RALYL: variants seen among roughly 807,000 people sequenced by gnomAD.
RALYL encodes RALY RNA binding protein like.
Under a neutral mutation model 35.1 loss-of-function variants are expected in RALYL, and 29 were observed. That is an observed-to-expected ratio of 0.83 (90% CI 0.61 to 1.13). RALYL has a LOEUF of 1.13. RALYL is among the 50% of genes most tolerant of loss of function. The pLI, the probability that RALYL is intolerant of heterozygous loss-of-function variation, is 0.00. For missense variants in RALYL, 359 were observed against 360.4 expected, an observed-to-expected ratio of 1.00 and a Z score of 0.03; for synonymous variants, 120 against 127.6, an observed-to-expected ratio of 0.94 and a Z score of 0.40.
intron 1 of RALYL, among the ~76,000 whole-genome samples, chr8:84,350,551 A>G (rs939493616): frequency 2.0e-5 from 3 of 150,268 alleles, no homozygotes; most frequent in Non-Finnish European, 4.4e-5. Flanking sequence ...AAAATAAGCA[A>G]CTAAGTAAAT....
At chr8:84,347,797 T>C (rs185860505) in intron 1 of RALYL, among the ~76,000 whole-genome samples, 6 of 152,280 alleles carry the variant, frequency 3.9e-5, no homozygotes, top group Admixed American at 2.6e-4. Flanking sequence ...CATCAGCAGC[T>C]TTGCCTCTTA....
At chr8:84,527,293 A>G (rs375850977) in intron 1 of RALYL, among the ~76,000 whole-genome samples, 2 of 152,324 alleles carry the variant, frequency 1.3e-5, no homozygotes, top group South Asian at 4.1e-4. Flanking sequence ...CCAAGATAGC[A>G]TGTTGACATT....
intron 2 of RALYL, among the ~76,000 whole-genome samples, chr8:84,532,024 A>C (rs1015753540): frequency 9.2e-5 from 14 of 152,018 alleles, no homozygotes; most frequent in Non-Finnish European, 1.9e-4. Context: ...TCCTCAGGTA[A>C]ATCTTTAGAG....
At chr8:84,668,602 A>G (rs957095457) in intron 2 of RALYL, among the ~76,000 whole-genome samples, 1 of 152,140 alleles carries the variant, frequency 6.6e-6, no homozygotes, top group Non-Finnish European at 1.5e-5. Flanking sequence ...GTTATTATCT[A>G]AACTTGAATA....
intron 1 of RALYL, among the ~76,000 whole-genome samples, chr8:84,312,545 CA>C (rs1342880173): frequency 6.6e-6 from 1 of 152,058 alleles, no homozygotes; most frequent in Non-Finnish European, 1.5e-5. Flanking sequence ...CATTGGGTAC[CA>C]AATAGGAGAA....
At chr8:84,758,249 C>T (rs948765121) in intron 2 of RALYL, among the ~76,000 whole-genome samples, 1 of 152,174 alleles carries the variant, frequency 6.6e-6, no homozygotes, top group African/African-American at 2.4e-5. Context: ...TGCACATTCA[C>T]ATCAGAGTTT....
At chr8:84,754,229 T>C (rs1345209925) in intron 2 of RALYL, among the ~76,000 whole-genome samples, 2 of 151,794 alleles carry the variant, frequency 1.3e-5, no homozygotes, top group African/African-American at 4.9e-5. Context: ...TGTGCACATG[T>C]ACCCTAAAAC....
chr8:84,554,491 CA>C (rs1378930609), intron 2 of RALYL, among the ~76,000 whole-genome samples: 4 of 152,104 alleles, frequency 2.6e-5, no homozygotes, highest in African/African-American at 9.6e-5. Flanking sequence ...TCCAAAGAAC[CA>C]AAAATATTAA....
intron 2 of RALYL, among the ~76,000 whole-genome samples, chr8:84,565,463 TTAAA>T (rs2061719245): frequency 6.6e-6 from 1 of 151,610 alleles, no homozygotes; most frequent in African/African-American, 2.4e-5. Context: ...ATTCCTATAA[TTAAA>T]TAAGATTATG....
intron 1 of RALYL, among the ~76,000 whole-genome samples, chr8:84,252,006 C>T (rs1271050957): frequency 6.6e-6 from 1 of 151,986 alleles, no homozygotes; most frequent in East Asian, 1.9e-4. Flanking sequence ...ATTATATCAA[C>T]TTAATGTATA....
intron 2 of RALYL, chr8:84,665,766 C>A (rs771657421): frequency 6.6e-6 from 1 of 151,668 alleles, no homozygotes; most frequent in South Asian, 2.1e-4. Context: ...TGGAGAAATA[C>A]GGAACACTTC....
At chr8:84,881,137 C>A (rs932011761) in intron 7 of RALYL, among the ~76,000 whole-genome samples, 1 of 151,898 alleles carries the variant, frequency 6.6e-6, no homozygotes. Flanking sequence ...CAAAAATGTA[C>A]TCACATAACT....
At chr8:84,263,201 T>G (rs1586629165) in intron 1 of RALYL, among the ~76,000 whole-genome samples, 1 of 152,210 alleles carries the variant, frequency 6.6e-6, no homozygotes, top group African/African-American at 2.4e-5. Flanking sequence ...ATTTGCCTCC[T>G]GTATTAAATG....
At chr8:84,365,678 G>A (rs1429480405) in intron 1 of RALYL, among the ~76,000 whole-genome samples, 2 of 152,158 alleles carry the variant, frequency 1.3e-5, no homozygotes, top group African/African-American at 2.4e-5. Flanking sequence ...GAATCTATGT[G>A]CTAACTCAAT....
intron 2 of RALYL, among the ~76,000 whole-genome samples, chr8:84,703,065 C>T (rs1840491029): frequency 6.6e-6 from 1 of 152,078 alleles, no homozygotes; most frequent in Non-Finnish European, 1.5e-5. Flanking sequence ...ATTTTTTCTT[C>T]CTACTTTTCG....
At chr8:84,192,552 C>CT (rs200471328) in intron 1 of RALYL, among the ~76,000 whole-genome samples, 4,288 of 145,552 alleles carry the variant, frequency 0.029, 195 homozygotes, top group African/African-American at 0.099. Context: ...ACTGAATTTT[C>CT]TTTTTTTTTT....
chr8:84,367,335 T>G (rs1563800181), intron 1 of RALYL, among the ~76,000 whole-genome samples: 16 of 58,290 alleles, frequency 2.7e-4, no homozygotes, highest in African/African-American at 1.1e-3. Context: ...TTTTTTTTTT[T>G]TTTTTTTTTT....
At chr8:84,412,191 A>G (rs572042807) in intron 1 of RALYL, among the ~76,000 whole-genome samples, 41 of 152,048 alleles carry the variant, frequency 2.7e-4, no homozygotes, top group African/African-American at 9.1e-4. Context: ...AAAAAAAAAT[A>G]CAAAGATACA....
chr8:84,827,061 T>C (rs1829883790), intron 4 of RALYL, among the ~76,000 whole-genome samples: 1 of 152,014 alleles, frequency 6.6e-6, no homozygotes, highest in South Asian at 2.1e-4. Flanking sequence ...AAGAAAAATC[T>C]TCTTAGAAAT....
Sources: allele counts gnomAD v4.1 joint callset (sites outside exome capture counted in the v4.1 genomes callset), GRCh38; gene constraint gnomAD v4.1.1; transcripts MANE v1.5; gene names NCBI Gene and HGNC (gene_info 2026-07-23, HGNC 2026-07-21).